Variants in IQCJ observed in about 807,000 individuals in gnomAD.
The protein encoded by IQCJ is IQ domain-containing protein J.
In IQCJ, 9 loss-of-function variants were observed where a neutral mutation model predicts 11.0. That is an observed-to-expected ratio of 0.82 (90% confidence interval 0.49 to 1.43). IQCJ has a LOEUF of 1.43. Among genes scored for constraint, IQCJ ranks in the 40% most tolerant of loss-of-function variants. The pLI is 0.00. For missense variants in IQCJ, 146 were observed against 133.2 expected, an observed-to-expected ratio of 1.10 and a Z score of -0.47; for synonymous variants, 55 against 51.3, an observed-to-expected ratio of 1.07 and a Z score of -0.31.
intron 1 of IQCJ, among the ~76,000 whole-genome samples, chr3:159,219,764 C>T (rs1725431985): frequency 1.3e-5 from 2 of 152,042 alleles, no homozygotes; most frequent in South Asian, 4.2e-4. Context: ...TGTTAGTGGA[C>T]CTATATTCTA....
At chr3:159,128,138 A>G (rs1393060169) in intron 1 of IQCJ, among the ~76,000 whole-genome samples, 1 of 152,214 alleles carries the variant, frequency 6.6e-6, no homozygotes, top group African/African-American at 2.4e-5. Flanking sequence ...TGAATAAACC[A>G]CAGTCTAACA....
rs527906059 is a variant in IQCJ at position 159,201,721 on chromosome 3, G to A, written c.10-44122G>A. On this transcript the variant is annotated intron_variant, in intron 1 of 3. Transcript: ENST00000397832. ...GGGATCTCGGCTCACTGCAAGCTCC[G>A]CCTCCCGGGTTCACGCCATTCACCT... Among the ~76,000 whole-genome samples the A allele has an allele frequency of 2.0e-4, 26 of 132,910 alleles. 1 individual carries two copies. In the South Asian group the frequency reaches 6.1e-3, roughly 31 times the overall value. 87.2% of individuals were successfully genotyped at this position (132,910 alleles called of 152,430 possible).
intron 1 of IQCJ, among the ~76,000 whole-genome samples, chr3:159,183,929 A>T (rs1328419317): frequency 6.6e-6 from 1 of 151,108 alleles, no homozygotes; most frequent in African/African-American, 2.4e-5. Flanking sequence ...AGACCCTACC[A>T]TTGCTTGCCC....
chr3:159,212,273 C>T (rs540530391), intron 1 of IQCJ, among the ~76,000 whole-genome samples: 1 of 152,130 alleles, frequency 6.6e-6, no homozygotes, highest in Admixed American at 6.5e-5. Flanking sequence ...AAGTAGAGTA[C>T]TTGTGTTTGA....
chr3:159,216,713 C>T (rs1348168302), intron 1 of IQCJ, among the ~76,000 whole-genome samples: 1 of 152,050 alleles, frequency 6.6e-6, no homozygotes, highest in African/African-American at 2.4e-5. Flanking sequence ...CCAAAATGAG[C>T]TTGTAGAAAT....
intron 1 of IQCJ, among the ~76,000 whole-genome samples, chr3:159,088,450 C>T (rs1017308620): frequency 5.3e-5 from 8 of 152,246 alleles, no homozygotes; most frequent in Non-Finnish European, 7.4e-5. Context: ...TGGTGCAGAG[C>T]TGAGTTCAAT....
chr3:159,218,491 AT>A (rs1385827928), intron 1 of IQCJ, among the ~76,000 whole-genome samples: 1 of 152,108 alleles, frequency 6.6e-6, no homozygotes, highest in Admixed American at 6.6e-5. Flanking sequence ...AAATACTACA[AT>A]ACTGTGTCAG....
At chr3:159,201,277 G>A (rs897736145) in intron 1 of IQCJ, among the ~76,000 whole-genome samples, 4 of 152,190 alleles carry the variant, frequency 2.6e-5, no homozygotes, top group Non-Finnish European at 4.4e-5. Context: ...GCCTGATTTA[G>A]TAGTGCTACA....
intron 1 of IQCJ, among the ~76,000 whole-genome samples, chr3:159,158,544 A>G (rs946437203): frequency 6.6e-6 from 1 of 152,222 alleles, no homozygotes; most frequent in African/African-American, 2.4e-5. Flanking sequence ...GATTAGTACA[A>G]TGCCAGCTAT....
intron 1 of IQCJ, among the ~76,000 whole-genome samples, chr3:159,086,516 T>C (rs970178368): frequency 2.6e-5 from 4 of 152,174 alleles, no homozygotes; most frequent in African/African-American, 4.8e-5. Flanking sequence ...GCAGTATGGC[T>C]ATTTTCACGA....
At chr3:159,168,273 A>C (rs1450264230) in intron 1 of IQCJ, among the ~76,000 whole-genome samples, 1 of 152,204 alleles carries the variant, frequency 6.6e-6, no homozygotes, top group Non-Finnish European at 1.5e-5. Flanking sequence ...GATGAACTTG[A>C]GTCCCCTAGT....
intron 1 of IQCJ, among the ~76,000 whole-genome samples, chr3:159,183,330 T>A (rs1254833848): frequency 6.6e-6 from 1 of 152,220 alleles, no homozygotes; most frequent in Non-Finnish European, 1.5e-5. Context: ...AGGTTTTTAT[T>A]TCATTATGAA....
At chr3:159,082,578 A>G (rs571017360) in intron 1 of IQCJ, among the ~76,000 whole-genome samples, 54 of 152,210 alleles carry the variant, frequency 3.5e-4, no homozygotes, top group African/African-American at 1.2e-3. Flanking sequence ...GGCATCTGCA[A>G]AGCATCTCTG....
intron 1 of IQCJ, among the ~76,000 whole-genome samples, chr3:159,188,748 A>G (rs1301765484): frequency 1.3e-5 from 2 of 152,026 alleles, no homozygotes; most frequent in Non-Finnish European, 2.9e-5. Flanking sequence ...TTGCCTTGGT[A>G]TCTCCCCCTT....
intron 1 of IQCJ, among the ~76,000 whole-genome samples, chr3:159,226,444 A>G (rs1045358909): frequency 2.6e-5 from 4 of 152,194 alleles, no homozygotes; most frequent in African/African-American, 9.7e-5. Context: ...TATCACCCCT[A>G]TCACTCAGGA....
intron 3 of IQCJ, among the ~76,000 whole-genome samples, chr3:159,257,693 A>G (rs1430478998): frequency 6.6e-6 from 1 of 152,312 alleles, no homozygotes; most frequent in Non-Finnish European, 1.5e-5. Flanking sequence ...TAGATAACAA[A>G]TGATGCAAAT....
chr3:159,082,119 G>T (rs531212295), intron 1 of IQCJ, among the ~76,000 whole-genome samples: 1 of 152,174 alleles, frequency 6.6e-6, no homozygotes, highest in East Asian at 1.9e-4. Flanking sequence ...TACTAACATT[G>T]TGGGAAAGTA....
chr3:159,264,114 C>T (rs1010667247), downstream of IQCJ, among the ~76,000 whole-genome samples: 5 of 152,190 alleles, frequency 3.3e-5, no homozygotes, highest in African/African-American at 1.2e-4. Context: ...TATTAGAAAT[C>T]ACTTTGTGAG....
At position 159,122,215 on chromosome 3, in the gene IQCJ, T is replaced by C. The variant is rs1169447602; in HGVS notation, c.9+52774T>C. Among the ~76,000 whole-genome samples, 5 of 152,172 alleles carry C rather than the reference T, an allele frequency of 3.3e-5. No homozygotes were observed. The East Asian group carries it at 9.6e-4, about 29-fold the overall frequency. Reference sequence around the variant, plus strand: ...TGAGGGCTCCATTCTCATGACCTAATTACATTTCAAAGGCCTCACATCCCA... The same window carrying C: ...TGAGGGCTCCATTCTCATGACCTAACTACATTTCAAAGGCCTCACATCCCA... On this transcript the variant is annotated intron_variant, in intron 1 of 3. Transcript: ENST00000397832.
Sources: gnomAD v4.1 joint callset for allele counts (sites outside exome capture counted in the v4.1 genomes callset) on GRCh38, gnomAD v4.1.1 for gene constraint, MANE v1.5 for transcripts, NCBI Gene and HGNC (gene_info 2026-07-23, HGNC 2026-07-21) for gene names.